The following SLC24A2 variants were observed in gnomAD, a reference collection of about 807,000 sequenced individuals.
SLC24A2 encodes solute carrier family 24 member 2.
A neutral mutation model predicts 62.0 loss-of-function variants in SLC24A2; 36 were observed. The ratio of observed to expected loss-of-function variants is 0.58; its 90% CI spans 0.44 to 0.77. SLC24A2 has a LOEUF of 0.77. SLC24A2 is among the 30% of genes least tolerant of loss of function. The pLI is 0.00. For missense variants in SLC24A2, 846 were observed against 817.9 expected, an observed-to-expected ratio of 1.03 and a Z score of -0.42; for synonymous variants, 358 against 294.0, an observed-to-expected ratio of 1.22 and a Z score of -2.23.
the SLC24A2 span, among the ~76,000 whole-genome samples, chr9:20,143,082 A>C: frequency 1.3e-5 from 2 of 152,232 alleles, no homozygotes; most frequent in Non-Finnish European, 2.9e-5. Flanking sequence ...GTCTGCATTC[A>C]AATGTAGGTC....
intron 5 of SLC24A2, among the ~76,000 whole-genome samples, chr9:19,578,820 C>T (rs979907496): frequency 2.0e-5 from 3 of 152,122 alleles, no homozygotes; most frequent in African/African-American, 7.2e-5. Context: ...GTGAAAATGA[C>T]ACGAGCTGTG....
In SLC24A2 at chr9:19,508,836, A is replaced by T. The variant is rs1028472072; in HGVS notation, c.*7317T>A. On this transcript the variant is annotated 3_prime_UTR_variant, in exon 11 of 11. Coordinates refer to ENST00000341998, the MANE Select transcript of SLC24A2 (RefSeq NM_020344.4). ...TAAAAATTTGTGATGAAGTTGAAAC[A>T]TTAAAGTTTTTAGTTGTGGGGACAT... The T allele has an allele frequency of 6.6e-6, 1 of 152,124 alleles. No homozygotes were observed. Among genetic ancestry groups the T allele is most frequent in the Admixed American group, 6.6e-5 (1 of 15,264 alleles). 9.4% of individuals were successfully genotyped at this position (152,124 alleles called of 1,614,324 possible).
chr9:19,845,413 C>T, the SLC24A2 span, among the ~76,000 whole-genome samples: 2,040 of 152,148 alleles, frequency 0.013, 19 homozygotes, highest in Non-Finnish European at 0.019. Flanking sequence ...AGGAGCCTTT[C>T]GGCAGAGTCT....
At chr9:19,959,208 G>A in the SLC24A2 span, among the ~76,000 whole-genome samples, 1 of 152,166 alleles carries the variant, frequency 6.6e-6, no homozygotes. Context: ...GAAAAAGAGG[G>A]ACCTGGGAAT....
At chr9:19,834,057 A>C in the SLC24A2 span, among the ~76,000 whole-genome samples, 1 of 152,164 alleles carries the variant, frequency 6.6e-6, no homozygotes, top group Admixed American at 6.5e-5. Flanking sequence ...AAGGACCTCC[A>C]CCCCAAAAAC....
the SLC24A2 span, among the ~76,000 whole-genome samples, chr9:19,829,007 A>C: frequency 4.6e-5 from 7 of 152,116 alleles, no homozygotes; most frequent in Non-Finnish European, 1.0e-4. Flanking sequence ...TCCCAGACCG[A>C]CTGGCTTCCT....
In SLC24A2 at chr9:19,566,731, C is replaced by G. The variant is rs146525777; in HGVS notation, c.1347+6620G>C. On this transcript the variant is annotated intron_variant, in intron 7 of 10. Transcript: ENST00000341998. ...AACCCAAATGTCCACCAACAATAGA[C>G]TGGATTAAGAAAATGTGGCACATAT... 6.9e-3 allele frequency among the ~76,000 whole-genome samples: 1,053 copies of G among 152,268 alleles called. 7 individuals are homozygous for G. Among genetic ancestry groups the G allele is most frequent in the African/African-American group, 0.024 (1,005 of 41,530 alleles).
intron 4 of SLC24A2, among the ~76,000 whole-genome samples, chr9:19,615,369 T>G (rs1309006125): frequency 6.6e-6 from 1 of 152,208 alleles, no homozygotes; most frequent in East Asian, 1.9e-4. Context: ...ATCAACTTGG[T>G]GATGTAACTA....
chr9:20,107,592 G>A, the SLC24A2 span, among the ~76,000 whole-genome samples: 1 of 152,140 alleles, frequency 6.6e-6, no homozygotes, highest in Non-Finnish European at 1.5e-5. Flanking sequence ...CAAGCAATGG[G>A]GAAAGGATTC....
intron 2 of SLC24A2, among the ~76,000 whole-genome samples, chr9:19,747,769 C>T (rs1470891236): frequency 6.6e-6 from 1 of 152,182 alleles, no homozygotes; most frequent in Non-Finnish European, 1.5e-5. Flanking sequence ...ATGGCACAGA[C>T]ATGTACATAC....
chr9:19,547,532 C>T (rs763243387), intron 8 of SLC24A2, among the ~76,000 whole-genome samples: 5 of 147,578 alleles, frequency 3.4e-5, no homozygotes, highest in Admixed American at 1.3e-4. Context: ...GCTTCTTTGA[C>T]GTTTCAACTA....
chr9:20,299,253 T>C, the SLC24A2 span, among the ~76,000 whole-genome samples: 5 of 152,168 alleles, frequency 3.3e-5, no homozygotes, highest in African/African-American at 9.7e-5. Context: ...TGTGAATACC[T>C]ATTTTATTTA....
chr9:19,788,860 G>T, intron 1 of SLC24A2, 25 bp downstream of exon 1: 2 of 985,416 alleles, frequency 2.0e-6, no homozygotes, highest in Non-Finnish European at 2.4e-6. Context: ...ACAGCGGCAG[G>T]CGGGGCGCAG....
intron 7 of SLC24A2, among the ~76,000 whole-genome samples, chr9:19,561,985 C>G (rs1157716314): frequency 6.6e-6 from 1 of 152,112 alleles, no homozygotes; most frequent in Non-Finnish European, 1.5e-5. Context: ...CTGTCTGGAC[C>G]TAACTTTTCC....
chr9:19,713,093 A>G (rs1249071894), intron 2 of SLC24A2, among the ~76,000 whole-genome samples: 1 of 152,116 alleles, frequency 6.6e-6, no homozygotes, highest in African/African-American at 2.4e-5. Context: ...TTTTCTTCCC[A>G]GTATTTATCA....
At chr9:19,836,028 C>T in the SLC24A2 span, among the ~76,000 whole-genome samples, 14 of 151,978 alleles carry the variant, frequency 9.2e-5, no homozygotes, top group South Asian at 6.2e-4. Context: ...TTGAAACCAG[C>T]GAGAACAAAG....
chr9:19,895,336 GC>G, the SLC24A2 span, among the ~76,000 whole-genome samples: 2 of 151,888 alleles, frequency 1.3e-5, no homozygotes, highest in African/African-American at 2.4e-5. Flanking sequence ...TCTTCTCAGG[GC>G]CTTTCTGAAC....
the SLC24A2 span, among the ~76,000 whole-genome samples, chr9:19,992,962 C>T: frequency 1.3e-5 from 2 of 152,162 alleles, no homozygotes; most frequent in Non-Finnish European, 2.9e-5. Flanking sequence ...CACCATGGCT[C>T]AGTCAGTGGT....
the SLC24A2 span, among the ~76,000 whole-genome samples, chr9:20,217,389 T>C: frequency 6.6e-6 from 1 of 152,332 alleles, no homozygotes; most frequent in African/African-American, 2.4e-5. Flanking sequence ...ATCATCTTAA[T>C]GCAGGTACTG....
Sources: gnomAD v4.1 joint callset for allele counts (sites outside exome capture counted in the v4.1 genomes callset) on GRCh38, gnomAD v4.1.1 for gene constraint, MANE v1.5 for transcripts, NCBI Gene and HGNC (gene_info 2026-07-23, HGNC 2026-07-21) for gene names.